DPYS: variants seen among roughly 807,000 people sequenced by gnomAD.
The protein encoded by DPYS is dihydropyrimidinase.
A neutral mutation model predicts 50.3 loss-of-function variants in DPYS; 39 were observed. That is an observed-to-expected ratio of 0.78 (90% CI 0.60 to 1.01). The LOEUF is 1.01. Ranked by LOEUF, DPYS falls within the 50% of genes least tolerant of loss-of-function variation. The pLI, the probability that DPYS is intolerant of heterozygous loss-of-function variation, is 0.00. For synonymous variants in DPYS, 245 were observed against 250.7 expected (o/e 0.98, Z 0.22); for missense variants, 659 against 680.9 (o/e 0.97, Z 0.36).
At chr8:104,435,827 G>A (rs1439773784) in intron 4 of DPYS, among the ~76,000 whole-genome samples, 1 of 152,116 alleles carries the variant, frequency 6.6e-6, no homozygotes, top group Non-Finnish European at 1.5e-5. Context: ...AGCTGTACTG[G>A]GGTTGAAAGA....
At chr8:104,453,139 T>C (rs1200844462) in intron 1 of DPYS, among the ~76,000 whole-genome samples, 1 of 152,160 alleles carries the variant, frequency 6.6e-6, no homozygotes, top group African/African-American at 2.4e-5. Context: ...CTTCAATAGA[T>C]TTTTATTTTT....
At chr8:104,445,480 A>T (rs1440621492) in intron 3 of DPYS, among the ~76,000 whole-genome samples, 1 of 152,234 alleles carries the variant, frequency 6.6e-6, no homozygotes, top group African/African-American at 2.4e-5. Flanking sequence ...CATGGATGGA[A>T]CTGGAGGTCA....
intron 7 of DPYS, among the ~76,000 whole-genome samples, chr8:104,412,758 A>G (rs17245479): frequency 0.01 from 1,594 of 152,274 alleles, 18 homozygotes; most frequent in Non-Finnish European, 0.015. Flanking sequence ...CAGAATCACA[A>G]TTCAAAAGAC....
chr8:104,386,279 T>A (rs556627250), intron 8 of DPYS, among the ~76,000 whole-genome samples: 7 of 152,294 alleles, frequency 4.6e-5, no homozygotes, highest in Non-Finnish European at 1.0e-4. Flanking sequence ...ACACCTATAA[T>A]CCAAGCACTT....
At chr8:104,444,920 A>C (rs533717599) in intron 3 of DPYS, among the ~76,000 whole-genome samples, 1 of 152,362 alleles carries the variant, frequency 6.6e-6, no homozygotes, top group Admixed American at 6.5e-5. Context: ...TACAGGAAAA[A>C]AAGTTAATAA....
At chr8:104,401,288 G>T (rs1033425080) in intron 7 of DPYS, among the ~76,000 whole-genome samples, 26 of 143,044 alleles carry the variant, frequency 1.8e-4, no homozygotes, top group African/African-American at 6.2e-4. Flanking sequence ...TATGAGGTAG[G>T]TATTATTATT....
At chr8:104,391,728 C>G (rs1305000192) in intron 8 of DPYS, among the ~76,000 whole-genome samples, 1 of 152,066 alleles carries the variant, frequency 6.6e-6, no homozygotes, top group African/African-American at 2.4e-5. Context: ...TCCTACCAAC[C>G]TGTTGCCCAG....
chr8:104,382,533 T>A (rs76175689), intron 8 of DPYS, among the ~76,000 whole-genome samples: 3 of 140,822 alleles, frequency 2.1e-5, no homozygotes, highest in Admixed American at 1.4e-4. Context: ...AGGTCCTTGG[T>A]CCCTGTTTTT....
intron 4 of DPYS, among the ~76,000 whole-genome samples, chr8:104,440,796 G>A (rs1158034802): frequency 2.0e-5 from 3 of 151,926 alleles, no homozygotes; most frequent in Non-Finnish European, 2.9e-5. Flanking sequence ...AAAAAAGAAT[G>A]GGCTGGCAAT....
In DPYS at chr8:104,444,298, T is replaced by A; in HGVS notation, c.743A>T (p.His248Leu). 6.2e-7 allele frequency: 1 copy of A among 1,614,236 alleles called. No individual in the cohort carries two copies. Among genetic ancestry groups the A allele is most frequent in the East Asian group, 2.2e-5 (1 of 44,884 alleles). Reference sequence around the variant, plus strand: ...CTTAGCTGCAGACTTGCTCATCACATGCACAATGTAGAGAGGACAGTTCAC... The same window carrying A: ...CTTAGCTGCAGACTTGCTCATCACAAGCACAATGTAGAGAGGACAGTTCAC... ...SAVNCPLYIV[H>L]VMSKSAAKVI... The change falls in exon 4 of 10, where the codon CAT becomes CTT. Residue 248 changes from histidine (H) to leucine (L), a missense_variant. Transcript: ENST00000351513.
intron 1 of DPYS, among the ~76,000 whole-genome samples, chr8:104,451,784 G>C (rs904879426): frequency 1.3e-5 from 2 of 152,152 alleles, no homozygotes; most frequent in African/African-American, 2.4e-5. Context: ...AATCCATCCT[G>C]ATGAACTGTA....
Position 104,379,835 on chromosome 8 carries a change from T to C in DPYS, c.*23A>G, listed in dbSNP as rs1810973908. 1 of 456,302 alleles carries C rather than the reference T, an allele frequency of 2.2e-6. No individual in the cohort carries two copies. Among genetic ancestry groups the C allele is most frequent in the Non-Finnish European group, 4.4e-6 (1 of 226,920 alleles). 28.3% of individuals were successfully genotyped at this position (456,302 alleles called of 1,614,324 possible). On this transcript the variant is annotated 3_prime_UTR_variant, in exon 10 of 10. Transcript: ENST00000351513. ...GGAATGGCAGCCTCCTTTCCTCTGATTTTTTTACCTTTGAAGAGAATGAAA... is the reference window on the plus strand; with the variant it reads ...GGAATGGCAGCCTCCTTTCCTCTGACTTTTTTACCTTTGAAGAGAATGAAA...
intron 7 of DPYS, among the ~76,000 whole-genome samples, chr8:104,403,712 T>G (rs1811902482): frequency 6.6e-6 from 1 of 152,092 alleles, no homozygotes. Context: ...ACAGAGGAAA[T>G]GTAGTTTGAC....
chr8:104,461,222 G>T (rs537197708), intron 1 of DPYS, among the ~76,000 whole-genome samples: 1 of 151,512 alleles, frequency 6.6e-6, no homozygotes, highest in Non-Finnish European at 1.5e-5. Flanking sequence ...GAGCCCAGGA[G>T]GATGAGGCTG....
intron 8 of DPYS, among the ~76,000 whole-genome samples, chr8:104,392,343 C>T (rs6989484): frequency 0.35 from 53,520 of 151,982 alleles, 12,341 homozygotes; most frequent in African/African-American, 0.65. Flanking sequence ...CAGGATGCTC[C>T]TACCCATTTT....
intron 2 of DPYS, among the ~76,000 whole-genome samples, chr8:104,449,120 G>A (rs1467032201): frequency 1.3e-5 from 2 of 152,166 alleles, no homozygotes; most frequent in Non-Finnish European, 2.9e-5. Flanking sequence ...TGTGCTCCAA[G>A]TTAGGTTAAG....
intron 3 of DPYS, among the ~76,000 whole-genome samples, chr8:104,445,372 C>T (rs1391849457): frequency 6.6e-6 from 1 of 152,116 alleles, no homozygotes; most frequent in South Asian, 2.1e-4. Flanking sequence ...AACCTAAGTG[C>T]CCATCAGCAG....
intron 4 of DPYS, among the ~76,000 whole-genome samples, chr8:104,442,243 C>T (rs1813379324): frequency 6.6e-6 from 1 of 151,998 alleles, no homozygotes; most frequent in Non-Finnish European, 1.5e-5. Context: ...AGTTTTCTGC[C>T]TATGTTCTGT....
chr8:104,420,495 A>T (rs1173187569), intron 7 of DPYS: 2 of 152,178 alleles, frequency 1.3e-5, no homozygotes, highest in Non-Finnish European at 2.9e-5. Context: ...CCTCCTCTTC[A>T]ACAGCCCCCT....
Sources: gnomAD v4.1 joint callset for allele counts (sites outside exome capture counted in the v4.1 genomes callset) on GRCh38, gnomAD v4.1.1 for gene constraint, MANE v1.5 for transcripts, NCBI Gene and HGNC (gene_info 2026-07-23, HGNC 2026-07-21) for gene names.